Variants in GRIK4 observed in about 807,000 individuals in gnomAD.
The protein encoded by GRIK4 is glutamate receptor ionotropic, kainate 4.
In GRIK4, 40 loss-of-function variants were observed where a neutral mutation model predicts 104.9. That is an observed-to-expected ratio of 0.38 (90% CI 0.30 to 0.50). The LOEUF (loss-of-function observed/expected upper bound fraction) is 0.50, where lower values mean the gene tolerates loss of function less well. Ranked by LOEUF, GRIK4 falls within the 20% of genes least tolerant of loss-of-function variation. The pLI, the probability that GRIK4 is intolerant of heterozygous loss-of-function variation, is 0.93. For synonymous variants in GRIK4, 485 were observed against 524.9 expected, an observed-to-expected ratio of 0.92 and a Z score of 1.04; for missense variants, 1,047 against 1,308.1, an observed-to-expected ratio of 0.80 and a Z score of 3.08.
At chr11:120,675,551 G>T (rs188291520) in intron 3 of GRIK4, among the ~76,000 whole-genome samples, 1 of 152,168 alleles carries the variant, frequency 6.6e-6, no homozygotes, top group African/African-American at 2.4e-5. Flanking sequence ...TGGCATATAA[G>T]AAATATTAGT....
intron 19 of GRIK4, 84 bp from the exon 20 acceptor site, chr11:120,982,022 T>C: frequency 2.1e-6 from 2 of 942,466 alleles, no homozygotes; most frequent in Non-Finnish European, 3.5e-6. Flanking sequence ...AGTTCTTGTT[T>C]GAATGATTTT....
rs1207311070 is a variant in GRIK4 at position 120,735,317 on chromosome 11, A to G, written c.83-67376A>G. Among the ~76,000 whole-genome samples, 3 of 152,228 alleles carry G rather than the reference A, an allele frequency of 2.0e-5. No homozygotes were observed. In the East Asian group the frequency reaches 5.8e-4, roughly 29 times the overall value. On this transcript the variant is annotated intron_variant, in intron 3 of 20. Transcript: ENST00000527524. Reference sequence around the variant, plus strand: ...AGTTACCACCTTAGTGGTCTTGGGTAAGATCCAGAGGAATTATCTGGATTA... The same window carrying G: ...AGTTACCACCTTAGTGGTCTTGGGTGAGATCCAGAGGAATTATCTGGATTA...
At chr11:120,858,063 AG>A (rs1274545146) in intron 8 of GRIK4, among the ~76,000 whole-genome samples, 3 of 152,184 alleles carry the variant, frequency 2.0e-5, no homozygotes, top group Non-Finnish European at 4.4e-5. Context: ...AGGGACCCTC[AG>A]GATATCCCTT....
chr11:120,559,298 A>G (rs1948216389), intron 1 of GRIK4, among the ~76,000 whole-genome samples: 1 of 152,204 alleles, frequency 6.6e-6, no homozygotes. Context: ...CTGTGGATAA[A>G]TGAGCTCGTG....
At chr11:120,848,176 C>T (rs191631013) in intron 8 of GRIK4, among the ~76,000 whole-genome samples, 2 of 152,268 alleles carry the variant, frequency 1.3e-5, no homozygotes, top group Non-Finnish European at 2.9e-5. Flanking sequence ...GTTGAGGGGG[C>T]AGGGGATGTA....
chr11:120,644,674 T>A (rs996982665), intron 1 of GRIK4, among the ~76,000 whole-genome samples: 5 of 152,174 alleles, frequency 3.3e-5, no homozygotes, highest in Non-Finnish European at 7.3e-5. Flanking sequence ...GGCTGTGAAG[T>A]CACTGCTCAG....
At chr11:120,848,221 T>C (rs577571660) in intron 8 of GRIK4, among the ~76,000 whole-genome samples, 44 of 152,278 alleles carry the variant, frequency 2.9e-4, no homozygotes, top group African/African-American at 9.9e-4. Context: ...TAAGATGCTA[T>C]GTGCCATTGA....
intron 1 of GRIK4, among the ~76,000 whole-genome samples, chr11:120,527,420 A>C (rs1356454256): frequency 6.6e-6 from 1 of 152,212 alleles, no homozygotes; most frequent in Non-Finnish European, 1.5e-5. Context: ...CCCTCAGGGC[A>C]GACCCCTGCC....
At chr11:120,947,800 T>TG (rs548548911) in intron 14 of GRIK4, among the ~76,000 whole-genome samples, 24 of 152,240 alleles carry the variant, frequency 1.6e-4, no homozygotes, top group Middle Eastern at 3.4e-3. Context: ...CTCCTTTCTA[T>TG]GGGGGAAGAC....
At chr11:120,890,153 A>T (rs1159870399) in intron 11 of GRIK4, among the ~76,000 whole-genome samples, 2 of 152,120 alleles carry the variant, frequency 1.3e-5, no homozygotes, top group African/African-American at 2.4e-5. Flanking sequence ...CCCATGGCTT[A>T]TTGTGGCTTG....
intron 1 of GRIK4, among the ~76,000 whole-genome samples, chr11:120,644,632 G>A (rs926708331): frequency 6.6e-6 from 1 of 152,178 alleles, no homozygotes; most frequent in African/African-American, 2.4e-5. Context: ...GAGGAAGGAT[G>A]TTCTTGCAGC....
At chr11:120,891,780 C>T (rs1592047615) in intron 11 of GRIK4, among the ~76,000 whole-genome samples, 2 of 151,980 alleles carry the variant, frequency 1.3e-5, no homozygotes, top group East Asian at 1.9e-4. Context: ...GGGAGGAGTC[C>T]GACTTTGAGG....
chr11:120,757,774 G>T (rs1211386356), intron 3 of GRIK4, among the ~76,000 whole-genome samples: 2 of 152,126 alleles, frequency 1.3e-5, no homozygotes, highest in African/African-American at 2.4e-5. Flanking sequence ...TTGGATTGGG[G>T]GATTCCATGG....
At chr11:120,822,983 C>T (rs1291889842) in intron 6 of GRIK4, among the ~76,000 whole-genome samples, 2 of 152,196 alleles carry the variant, frequency 1.3e-5, no homozygotes, top group African/African-American at 4.8e-5. Flanking sequence ...GGTTTTCCTC[C>T]TGTGGTGCCC....
chr11:120,696,411 G>A (rs1005321490), intron 3 of GRIK4, among the ~76,000 whole-genome samples: 4 of 151,612 alleles, frequency 2.6e-5, no homozygotes, highest in Admixed American at 2.0e-4. Flanking sequence ...AGCCTTTCCG[G>A]GAGAGCTTCC....
At chr11:120,636,890 A>T (rs1041679398) in intron 1 of GRIK4, among the ~76,000 whole-genome samples, 2 of 151,984 alleles carry the variant, frequency 1.3e-5, no homozygotes, top group Admixed American at 1.3e-4. Context: ...TCTGGCCTCC[A>T]CCTGGGTCCT....
At chr11:120,788,128 C>G (rs1377559710) in intron 3 of GRIK4, among the ~76,000 whole-genome samples, 2 of 151,900 alleles carry the variant, frequency 1.3e-5, no homozygotes, top group African/African-American at 4.8e-5. Context: ...CTCGGCCTCC[C>G]AAAGTGCTGG....
chr11:120,605,154 A>T (rs1948943549), intron 1 of GRIK4, among the ~76,000 whole-genome samples: 1 of 152,204 alleles, frequency 6.6e-6, no homozygotes, highest in South Asian at 2.1e-4. Context: ...CTGAATTTTA[A>T]AAAACTTTCC....
At chr11:120,706,232 G>A (rs1591821051) in intron 3 of GRIK4, among the ~76,000 whole-genome samples, 1 of 152,186 alleles carries the variant, frequency 6.6e-6, no homozygotes, top group South Asian at 2.1e-4. Flanking sequence ...CCTGATCTCT[G>A]CCTGTAATTC....
Sources: allele counts gnomAD v4.1 joint callset (sites outside exome capture counted in the v4.1 genomes callset), GRCh38; gene constraint gnomAD v4.1.1; transcripts MANE v1.5; gene names NCBI Gene and HGNC (gene_info 2026-07-23, HGNC 2026-07-21).